Variants in ZEB2 observed in about 807,000 individuals in gnomAD.
ZEB2 encodes zinc finger E-box binding homeobox 2.
ZEB2 carries 6 observed loss-of-function variants against 99.9 expected under a neutral mutation model. That is an observed-to-expected ratio of 0.06 (90% confidence interval 0.03 to 0.12). The LOEUF (loss-of-function observed/expected upper bound fraction) is 0.12. Among genes scored for constraint, ZEB2 ranks in the 10% least tolerant of loss-of-function variants. The probability of loss-of-function intolerance (pLI) is 1.00; values close to 1 mark genes in which losing one functional copy is unlikely to be tolerated. For synonymous variants in ZEB2, 517 were observed against 542.5 expected (o/e 0.95, Z 0.65); for missense variants, 969 against 1,502.8 (o/e 0.64, Z 5.87).
At chr2:144,412,209 C>T (rs1436673697) in intron 4 of ZEB2, among the ~76,000 whole-genome samples, 1 of 152,154 alleles carries the variant, frequency 6.6e-6, no homozygotes, top group African/African-American at 2.4e-5. Context: ...GCGGAGGTTG[C>T]GGTGAGCCGA....
chr2:144,473,303 G>C (rs372086298), intron 2 of ZEB2, among the ~76,000 whole-genome samples: 1 of 152,312 alleles, frequency 6.6e-6, no homozygotes, highest in East Asian at 1.9e-4. Context: ...TAGGCAGATA[G>C]GGAAAATGAG....
intron 2 of ZEB2, among the ~76,000 whole-genome samples, chr2:144,453,586 A>C (rs995008839): frequency 6.6e-6 from 1 of 152,190 alleles, no homozygotes; most frequent in Non-Finnish European, 1.5e-5. Context: ...TTAGAAAAAC[A>C]CAAAGGGCCT....
In ZEB2 at chr2:144,400,179, A is replaced by G. The variant is rs149510351; in HGVS notation, c.1008T>C (p.Gly336=). 1.2e-5 allele frequency: 20 copies of G among 1,614,016 alleles called. No homozygotes were observed. The highest frequency in any genetic ancestry group is 1.7e-5 in the Non-Finnish European group (20 of 1,180,022). ...SSHISSKKCI[G]LISVNGRMRN... ...TCATTCGGCCATTTACAGAGATTAA[A>G]CCAATACATTTCTTGCTGCTGATGT... Residue 336 remains glycine (G), a synonymous_variant, in exon 8 of 10, where the codon GGT becomes GGC. Transcript: ENST00000627532.
intron 2 of ZEB2, among the ~76,000 whole-genome samples, chr2:144,434,580 A>G (rs1446425365): frequency 6.6e-6 from 1 of 152,194 alleles, no homozygotes; most frequent in Middle Eastern, 3.2e-3. Context: ...GCAGAATGCA[A>G]TCTAAGTTTA....
At chr2:144,497,019 A>G (rs533183515) in intron 2 of ZEB2, 1 of 152,396 alleles carries the variant, frequency 6.6e-6, no homozygotes, top group East Asian at 1.9e-4. Context: ...CTCTTTGCTC[A>G]TGCCCTGTGT....
chr2:144,492,575 A>G (rs1426484780), intron 2 of ZEB2, among the ~76,000 whole-genome samples: 1 of 152,092 alleles, frequency 6.6e-6, no homozygotes, highest in Non-Finnish European at 1.5e-5. Flanking sequence ...ACCAAATTTG[A>G]GCCCAGATGT....
In ZEB2 at chr2:144,510,687, C is replaced by CCTCTCTCTCTCTCTCT. The variant is rs34688250; in HGVS notation, c.73+6575_73+6590dup. Among the ~76,000 whole-genome samples the CCTCTCTCTCTCTCTCT allele has an allele frequency of 1.9e-3, 288 of 147,950 alleles. 2 individuals are homozygous for CCTCTCTCTCTCTCTCT. The highest frequency in any genetic ancestry group is 6.1e-3 in the African/African-American group (246 of 40,190). On this transcript the variant is annotated intron_variant, in intron 2 of 9. Coordinates refer to ENST00000627532, the MANE Select transcript of ZEB2 (RefSeq NM_014795.4). ...TATTTTACTCAGCTACTACCCTGTG[C>CCTCTCTCTCTCTCTCT]CTCTCTCTCTCTCTCTCTCTCTCTC...
Position 144,399,850 on chromosome 2 carries a change from G to A in ZEB2, c.1337C>T (p.Pro446Leu), listed in dbSNP as rs1703286170. 6.2e-7 allele frequency: 1 copy of A among 1,614,024 alleles called. No individual in the cohort carries two copies. Among genetic ancestry groups the A allele is most frequent in the Admixed American group, 1.7e-5 (1 of 59,998 alleles). The change falls in exon 8 of 10, where the codon CCT becomes CTT. Residue 446 changes from proline to leucine, a missense_variant. Coordinates refer to ENST00000627532, the MANE Select transcript of ZEB2 (RefSeq NM_014795.4). This position sits in a 1 kb window ranked among gnomAD's most constrained non-coding sequence, Gnocchi z 5.6. Reference protein sequence around the residue: ...MQHLGVGMEAPLLGFPTMNSN... With the variant: ...MQHLGVGMEALLLGFPTMNSN... The stretch of plus-strand genomic sequence containing the variant: ...ATTCATGGTGGGAAACCCAAGTAAA[G>A]GGGCTTCCATCCCTACACCTAAGTG...
At chr2:144,390,075 A>C (rs929565670) in intron 9 of ZEB2, 47 bp from the exon 10 acceptor site, 8 of 1,587,230 alleles carry the variant, frequency 5.0e-6, no homozygotes, top group Non-Finnish European at 6.8e-6. Context: ...CTTTGCATGA[A>C]GTCTCTTTCC....
chr2:144,487,862 A>G (rs772113886), intron 2 of ZEB2, among the ~76,000 whole-genome samples: 2 of 152,248 alleles, frequency 1.3e-5, no homozygotes, highest in Non-Finnish European at 2.9e-5. Flanking sequence ...CATTTCAGCA[A>G]TACTCAAAGT....
rs1703117513 is a variant in ZEB2 at position 144,388,940 on chromosome 2, A to G, written c.*511T>C. On this transcript the variant is annotated 3_prime_UTR_variant, in exon 10 of 10. Coordinates refer to ENST00000627532, the MANE Select transcript of ZEB2 (RefSeq NM_014795.4). The surrounding 1 kb of genome is among the most constrained non-coding windows in gnomAD (Gnocchi z 5.4). Reference sequence around the variant, plus strand: ...AATTGTGTGGTTACTTAAGCTGAAAAAAAAAATGGGAAATTGATGAATAGC... The same window carrying G: ...AATTGTGTGGTTACTTAAGCTGAAAGAAAAAATGGGAAATTGATGAATAGC... 2.2e-6 allele frequency: 1 copy of G among 449,464 alleles called. No homozygotes were observed. The allele number at this position is 449,464 out of a possible 1,614,324, so 27.8% of individuals were successfully genotyped here. A position where few individuals can be genotyped will look rare whatever the true frequency, so the allele number is the denominator to read the frequency against.
At position 144,388,641 on chromosome 2, in the gene ZEB2, A is replaced by T. The variant is rs1403619787; in HGVS notation, c.*810T>A. 1 of 170,686 alleles carries T rather than the reference A, an allele frequency of 5.9e-6. No homozygotes were observed. The highest frequency in any genetic ancestry group is 1.3e-5 in the Non-Finnish European group (1 of 78,634). 10.6% of individuals were successfully genotyped at this position (170,686 alleles called of 1,614,324 possible). On this transcript the variant is annotated 3_prime_UTR_variant, in exon 10 of 10. Coordinates refer to ENST00000627532, the MANE Select transcript of ZEB2 (RefSeq NM_014795.4). The surrounding 1 kb of genome is among the most constrained non-coding windows in gnomAD (Gnocchi z 5.4). The stretch of plus-strand genomic sequence containing the variant: ...TGCTGCCTATTCTTCTAATACTGAC[A>T]TGGGTGCTTCAAAGAACAGGGTGAG...
intron 3 of ZEB2, among the ~76,000 whole-genome samples, chr2:144,426,012 C>T (rs1703686588): frequency 6.6e-6 from 1 of 151,990 alleles, no homozygotes. Context: ...ATATATTTTA[C>T]AAGCAGTGCA....
intron 2 of ZEB2, among the ~76,000 whole-genome samples, chr2:144,479,411 G>A (rs925658881): frequency 6.6e-6 from 1 of 152,158 alleles, no homozygotes; most frequent in Non-Finnish European, 1.5e-5. Flanking sequence ...GCTGTGTGGA[G>A]GTGGCCTGCT....
intron 2 of ZEB2, chr2:144,445,082 A>T (rs1703965141): frequency 6.6e-6 from 1 of 152,214 alleles, no homozygotes; most frequent in African/African-American, 2.4e-5. Flanking sequence ...GCACTCCTGG[A>T]AGCCTGACAG....
At chr2:144,406,172 T>A (rs1221218039) in intron 4 of ZEB2, among the ~76,000 whole-genome samples, 1 of 152,194 alleles carries the variant, frequency 6.6e-6, no homozygotes, top group Admixed American at 6.5e-5. Context: ...GGCAATTTTT[T>A]TTTTTTGCTT....
rs1192607336 is a variant in ZEB2 at position 144,416,850 on chromosome 2, T to C, written c.403+7946A>G. 2.6e-5 allele frequency among the ~76,000 whole-genome samples: 4 copies of C among 152,218 alleles called. No homozygotes were observed. In the East Asian group the frequency reaches 7.7e-4, roughly 29 times the overall value. ...CCTCTCTTGTCCTATCTCCAATATT[T>C]GACCCTATACTGTCAGAAACCCTCT... On this transcript the variant is annotated intron_variant, in intron 4 of 9. Transcript: ENST00000627532.
chr2:144,399,501 T>A lies in ZEB2; in HGVS notation c.1686A>T (p.Leu562Phe). ...SNIKKEKLRT[L>F]IDLVTDDKMI... ...TTTTGTCATCAGTGACCAAATCTATTAAAGTACGTAGCTTCTCTTTCTTTA... is the reference window on the plus strand; with the variant it reads ...TTTTGTCATCAGTGACCAAATCTATAAAAGTACGTAGCTTCTCTTTCTTTA... The change falls in exon 8 of 10, where the codon TTA becomes TTT. Residue 562 changes from leucine to phenylalanine, a missense_variant. Physicochemically the swap from Leu to Phe is conservative, Grantham distance 22 (BLOSUM62 0). This residue lies in a region of ZEB2 where 227 missense variants were observed against 278.2 expected (regional missense o/e 0.82). Coordinates refer to ENST00000627532, the MANE Select transcript of ZEB2 (RefSeq NM_014795.4). The surrounding 1 kb of genome is among the most constrained non-coding windows in gnomAD (Gnocchi z 5.6). 1 of 1,614,172 alleles carries A rather than the reference T, an allele frequency of 6.2e-7. No homozygotes were observed. Among genetic ancestry groups the A allele is most frequent in the Non-Finnish European group, 8.5e-7 (1 of 1,180,014 alleles).
Position 144,388,869 on chromosome 2 carries a change from A to G in ZEB2, c.*582T>C, listed in dbSNP as rs1326454609. On this transcript the variant is annotated 3_prime_UTR_variant, in exon 10 of 10. Coordinates refer to ENST00000627532, the MANE Select transcript of ZEB2 (RefSeq NM_014795.4). The surrounding 1 kb of genome is among the most constrained non-coding windows in gnomAD (Gnocchi z 5.4). ...TTCGGTATCTTAAATTCACACATGC[A>G]TCACTTCAAGTTCCTTCACAGAAAA... The G allele has an allele frequency of 1.7e-5, 8 of 460,576 alleles. No homozygotes were observed. The Admixed American group carries it at 1.9e-4, about 11-fold the overall frequency. 28.5% of individuals were successfully genotyped at this position (460,576 alleles called of 1,614,324 possible).
Sources: gnomAD v4.1 joint callset for allele counts (sites outside exome capture counted in the v4.1 genomes callset) on GRCh38, gnomAD v4.1.1 for gene constraint, gnomAD v4.1.1 regional missense constraint, Gnocchi (gnomAD v3.1) non-coding constraint, MANE v1.5 for transcripts, NCBI Gene and HGNC (gene_info 2026-07-23, HGNC 2026-07-21) for gene names.